The following NDUFV2 variants were observed in gnomAD, a reference collection of about 807,000 sequenced individuals.
NDUFV2 encodes NADH dehydrogenase [ubiquinone] flavoprotein 2, mitochondrial.
A neutral mutation model predicts 31.6 loss-of-function variants in NDUFV2; 18 were observed. That is an observed-to-expected ratio of 0.57 (90% CI 0.39 to 0.84). NDUFV2 has a LOEUF of 0.84. NDUFV2 is among the 40% of genes least tolerant of loss of function. NDUFV2 has a pLI of 0.00. For synonymous variants in NDUFV2, 83 were observed against 99.8 expected (o/e 0.83, Z 1.01); for missense variants, 314 against 303.6 (o/e 1.03, Z -0.26).
intron 1 of NDUFV2, chr18:9,103,662 GACT>G (rs1316987599): frequency 5.8e-5 from 9 of 155,278 alleles, no homozygotes; most frequent in Non-Finnish European, 1.3e-4. Flanking sequence ...TTTAGAGTTA[GACT>G]CGAGTTTGGA....
At chr18:9,124,550 G>A (rs1024278460) in intron 5 of NDUFV2, among the ~76,000 whole-genome samples, 3 of 149,056 alleles carry the variant, frequency 2.0e-5, no homozygotes, top group South Asian at 2.1e-4. Context: ...CTGGGTTCAC[G>A]CCACTCTCCT....
chr18:9,104,040 G>A, intron 1 of NDUFV2: 1 of 1,019,312 alleles, frequency 9.8e-7, no homozygotes, highest in Non-Finnish European at 1.4e-6. Context: ...CAATGTAAAA[G>A]TACAGTGTTA....
At chr18:9,117,432 T>G (rs1438430712) in intron 1 of NDUFV2, 3 of 211,012 alleles carry the variant, frequency 1.4e-5, no homozygotes, top group Non-Finnish European at 2.9e-5. Flanking sequence ...AGTATATGAC[T>G]CATTTGTACA....
intron 7 of NDUFV2, among the ~76,000 whole-genome samples, chr18:9,127,346 GT>G (rs1248137501): frequency 2.0e-5 from 3 of 152,096 alleles, no homozygotes; most frequent in Admixed American, 2.0e-4. Context: ...ATCCACAATT[GT>G]TTCATTGTTT....
At chr18:9,106,115 C>G (rs2077840600) in intron 1 of NDUFV2, among the ~76,000 whole-genome samples, 1 of 152,166 alleles carries the variant, frequency 6.6e-6, no homozygotes, top group Non-Finnish European at 1.5e-5. Context: ...TTGGAGTCTG[C>G]AGCATGTACA....
In NDUFV2 at chr18:9,134,293, G is replaced by A. The variant is rs750392961; in HGVS notation, c.*14G>A. On this transcript the variant is annotated 3_prime_UTR_variant, in exon 8 of 8. Coordinates refer to ENST00000318388, the MANE Select transcript of NDUFV2 (RefSeq NM_021074.5). ...GCAGGCCTTTAATTTATATTGAACT[G>A]TAAATATGTCACTAGAGAAATAAAA... 6.4e-7 allele frequency: 1 copy of A among 1,554,754 alleles called. No individual in the cohort carries two copies. Among genetic ancestry groups the A allele is most frequent in the Non-Finnish European group, 8.9e-7 (1 of 1,127,962 alleles).
Position 9,117,892 on chromosome 18 carries a change from G to A in NDUFV2, c.109G>A (p.Ala37Thr). The change falls in exon 2 of 8, where the codon GCT becomes ACT. Residue 37 changes from alanine (A) to threonine (T), a missense_variant. Ala to Thr is a moderately conservative substitution (Grantham distance 58). Coordinates refer to ENST00000318388, the MANE Select transcript of NDUFV2 (RefSeq NM_021074.5). ...AGTTATGCAAAATGGAGCTGGAGGA[G>A]CTTTATTTGTGGTAAGTAATTACTT... Reference protein sequence around the residue: ...KTVMQNGAGGALFVHRDTPEN... With the variant: ...KTVMQNGAGGTLFVHRDTPEN... 6.3e-7 allele frequency: 1 copy of A among 1,593,556 alleles called. No homozygotes were observed. Among genetic ancestry groups the A allele is most frequent in the South Asian group, 1.1e-5 (1 of 90,526 alleles).
chr18:9,120,484 CAG>C (rs1054371399), intron 4 of NDUFV2, among the ~76,000 whole-genome samples: 11 of 152,270 alleles, frequency 7.2e-5, no homozygotes, highest in African/African-American at 1.7e-4. Flanking sequence ...CTGACTATAA[CAG>C]AGATTTTGTT....
chr18:9,106,307 T>C (rs993679652), intron 1 of NDUFV2, among the ~76,000 whole-genome samples: 1 of 152,216 alleles, frequency 6.6e-6, no homozygotes, highest in South Asian at 2.1e-4. Context: ...AAAAACCTCA[T>C]TGGTTTTTTA....
intron 5 of NDUFV2, among the ~76,000 whole-genome samples, chr18:9,123,985 G>C (rs1395618285): frequency 6.6e-6 from 1 of 152,112 alleles, no homozygotes; most frequent in East Asian, 1.9e-4. Context: ...TTTGACGTTA[G>C]GAGTTTTCTG....
Position 9,102,797 on chromosome 18 carries a change from G to C in NDUFV2, c.54G>C (p.Trp18Cys), listed in dbSNP as rs757820958. The change falls in exon 1 of 8, where the codon TGG becomes TGC. Residue 18 changes from tryptophan to cysteine, a missense_variant and splice_region_variant. By Grantham distance (215) the Trp-to-Cys change is radical. Transcript: ENST00000318388. ...GGGCGGCTGGCCTCACCGCCCACTG[G>C]GTAAGGAGGCTCAAGCTGAGCCCGG... The part of the protein sequence containing the change: ...RARAAGLTAH[W>C]GRHVRNLHKT... 1 of 1,568,180 alleles carries C rather than the reference G, an allele frequency of 6.4e-7. No homozygotes were observed. Among genetic ancestry groups the C allele is most frequent in the South Asian group, 1.2e-5 (1 of 85,352 alleles).
chr18:9,111,892 C>T (rs141466090), intron 1 of NDUFV2, among the ~76,000 whole-genome samples: 1 of 151,982 alleles, frequency 6.6e-6, no homozygotes, highest in East Asian at 1.9e-4. Flanking sequence ...AACAGTGATA[C>T]ATCCCACCTT....
chr18:9,124,007 A>T (rs2077963847), intron 5 of NDUFV2, among the ~76,000 whole-genome samples: 1 of 152,136 alleles, frequency 6.6e-6, no homozygotes. Context: ...GTCTTTGCCA[A>T]ATCTGATAAT....
At chr18:9,108,838 G>A (rs576318456) in intron 1 of NDUFV2, among the ~76,000 whole-genome samples, 15 of 151,832 alleles carry the variant, frequency 9.9e-5, no homozygotes, top group South Asian at 6.2e-4. Flanking sequence ...TTAAAGGTGC[G>A]TGCCACCACA....
intron 1 of NDUFV2, among the ~76,000 whole-genome samples, chr18:9,114,014 G>A (rs1161202157): frequency 6.6e-6 from 1 of 152,292 alleles, no homozygotes; most frequent in Admixed American, 6.5e-5. Context: ...CCTTGAGCTT[G>A]GGAAACCCTG....
intron 4 of NDUFV2, chr18:9,121,406 A>G (rs529778036): frequency 1.1e-4 from 16 of 152,208 alleles, no homozygotes; most frequent in Non-Finnish European, 2.4e-4. Flanking sequence ...TCCAGCATGT[A>G]TATTTTGATA....
intron 1 of NDUFV2, among the ~76,000 whole-genome samples, chr18:9,111,484 T>G (rs2077869655): frequency 6.6e-6 from 1 of 151,482 alleles, no homozygotes. Flanking sequence ...GCTGGAGTGC[T>G]GTGGCACGAG....
chr18:9,125,114 C>A, intron 6 of NDUFV2, 131 bp downstream of exon 6: 2 of 999,944 alleles, frequency 2.0e-6, no homozygotes, highest in Non-Finnish European at 2.9e-6. Flanking sequence ...CCATAAATAT[C>A]CAGGTTTTAA....
chr18:9,111,139 G>A (rs11661711), intron 1 of NDUFV2, among the ~76,000 whole-genome samples: 84,163 of 151,922 alleles, frequency 0.55, 24,408 homozygotes, highest in South Asian at 0.75. Flanking sequence ...TCATCAAACA[G>A]TCAGGTGGCT....
Sources: allele counts gnomAD v4.1 joint callset (sites outside exome capture counted in the v4.1 genomes callset), GRCh38; gene constraint gnomAD v4.1.1; transcripts MANE v1.5; gene names NCBI Gene and HGNC (gene_info 2026-07-23, HGNC 2026-07-21).